ALG1: variants seen among roughly 807,000 people sequenced by gnomAD.
ALG1 encodes the protein chitobiosyldiphosphodolichol beta-mannosyltransferase.
ALG1 carries 58 observed loss-of-function variants against 55.1 expected under a neutral mutation model. The ratio of observed to expected loss-of-function variants is 1.05; its 90% CI spans 0.85 to 1.31. ALG1 has a LOEUF of 1.31. ALG1 is among the 50% of genes most tolerant of loss of function. ALG1 has a pLI of 0.00. For missense variants in ALG1, 761 were observed against 598.6 expected (o/e 1.27, Z -2.83); for synonymous variants, 309 against 247.0 (o/e 1.25, Z -2.35).
intron 4 of ALG1, 60 bp downstream of exon 4, chr16:5,075,596 A>G: frequency 6.2e-7 from 1 of 1,604,612 alleles, no homozygotes. Context: ...ATGAGTGAGA[A>G]GAAGGGCCAT....
In ALG1 at chr16:5,085,960, C is replaced by G. The variant is rs1164430893; in HGVS notation, c.*1079C>G. Among the ~76,000 whole-genome samples the G allele has an allele frequency of 6.6e-6, 1 of 152,196 alleles. No homozygotes were observed. Among genetic ancestry groups the G allele is most frequent in the East Asian group, 1.9e-4 (1 of 5,202 alleles). On this transcript the variant is annotated 3_prime_UTR_variant, in exon 13 of 13. Transcript: ENST00000262374. ...CTAGCAGCAGGCACCGTGCCGCTGT[C>G]CACTCTCTGCCTGTGTCTGCCCCAG...
intron 7 of ALG1, 43 bp downstream of exon 7, chr16:5,078,921 A>G: frequency 6.2e-7 from 1 of 1,605,474 alleles, no homozygotes; most frequent in Non-Finnish European, 8.5e-7. Flanking sequence ...TGTGACGGGC[A>G]CCTGGCCAAC....
intron 3 of ALG1, among the ~76,000 whole-genome samples, chr16:5,074,463 A>G (rs1956872793): frequency 1.3e-5 from 2 of 152,152 alleles, no homozygotes; most frequent in African/African-American, 4.8e-5. Flanking sequence ...TCCTCTTTTA[A>G]TAGGCAGCCT....
At position 5,079,745 on chromosome 16, in the gene ALG1, C is replaced by G. The variant is rs756306929; in HGVS notation, c.902-3C>G. On this transcript the variant is annotated splice_region_variant and splice_polypyrimidine_tract_variant and intron_variant, in intron 8 of 12. Transcript: ENST00000262374. Reference sequence around the variant, plus strand: ...GTAGAATTGTTTCTTTTTCTAAACACAGAGTTTGAACAACTGACTCTTGAT... The same window carrying G: ...GTAGAATTGTTTCTTTTTCTAAACAGAGAGTTTGAACAACTGACTCTTGAT... 7 of 1,611,310 alleles carry G rather than the reference C, an allele frequency of 4.3e-6. No homozygotes were observed. In the African/African-American group the frequency reaches 9.4e-5, roughly 22 times the overall value.
intron 1 of ALG1, 27 bp downstream of exon 1, chr16:5,072,084 C>G: frequency 6.8e-7 from 1 of 1,474,058 alleles, no homozygotes; most frequent in Non-Finnish European, 9.0e-7. Flanking sequence ...CTGGGAGGGA[C>G]GATGCTCTCT....
Position 5,078,011 on chromosome 16 carries a change from G to C in ALG1, c.734G>C (p.Arg245Thr). Residue 245 changes from arginine to threonine, a missense_variant, in exon 6 of 13, where the codon AGG becomes ACG. By Grantham distance (71) the Arg-to-Thr change is moderately conservative. Coordinates refer to ENST00000262374, the MANE Select transcript of ALG1 (RefSeq NM_019109.5). Reference protein sequence around the residue: ...MKLGSMHSPFRARSEPEDPVT... With the variant: ...MKLGSMHSPFTARSEPEDPVT... ...CTGGGCAGCATGCACTCTCCGTTCA[G>C]GGCCCGGTAGGCCTCCCATCCTCAG... is the stretch of plus-strand genomic sequence containing the variant. The C allele has an allele frequency of 1.9e-6, 3 of 1,598,532 alleles. No homozygotes were observed. Among genetic ancestry groups the C allele is most frequent in the Non-Finnish European group, 2.5e-6 (3 of 1,179,782 alleles).
chr16:5,078,079 C>G (rs899096390), intron 6 of ALG1, 62 bp downstream of exon 6: 71 of 1,561,342 alleles, frequency 4.5e-5, no homozygotes, highest in African/African-American at 3.8e-4. Flanking sequence ...CTCTCCCCTT[C>G]TCACTGCAGA....
At chr16:5,081,169 G>C in intron 10 of ALG1, 113 bp downstream of exon 10, 1 of 1,256,446 alleles carries the variant, frequency 8.0e-7, no homozygotes, top group East Asian at 2.6e-5. Flanking sequence ...CCTGGGCTCT[G>C]GCTGAACTCC....
intron 1 of ALG1, 54 bp from the exon 2 acceptor site, chr16:5,072,897 C>G: frequency 6.6e-7 from 1 of 1,515,206 alleles, no homozygotes; most frequent in Non-Finnish European, 9.2e-7. Flanking sequence ...GGGAGATTAT[C>G]TGACTTTAGA....
rs1485521061 is a variant in ALG1, at chr16:5,087,080, C to T, written c.*2199C>T. ...TGTGTAGAAATCTCTATAATCCTGC[C>T]ATCCAAGGATGGCACCTGTTAATGT... On this transcript the variant is annotated 3_prime_UTR_variant, in exon 13 of 13. Coordinates refer to ENST00000262374, the MANE Select transcript of ALG1 (RefSeq NM_019109.5). The T allele has an allele frequency of 3.3e-5, 5 of 152,076 alleles. No homozygotes were observed. The East Asian group carries it at 7.7e-4, about 23-fold the overall frequency. 9.4% of individuals were successfully genotyped at this position (152,076 alleles called of 1,614,324 possible).
rs889027199 is a variant in ALG1, at chr16:5,071,963, G to A, written c.114G>A (p.Val38=). ...GGGCGGCCCGGCATGTAGTAGCGGTGGTGCTGGGCGACGTGGGCCGCAGCC... is the reference window on the plus strand; with the variant it reads ...GGGCGGCCCGGCATGTAGTAGCGGTAGTGCTGGGCGACGTGGGCCGCAGCC... ...RGRAARHVVA[V]VLGDVGRSPR... Residue 38 remains valine (V), a synonymous_variant, in exon 1 of 13, where the codon GTG becomes GTA. Transcript: ENST00000262374. 2 of 1,589,776 alleles carry A rather than the reference G, an allele frequency of 1.3e-6. No homozygotes were observed. Among genetic ancestry groups the A allele is most frequent in the African/African-American group, 2.7e-5 (2 of 74,416 alleles).
chr16:5,084,713 G>A, intron 12 of ALG1, 37 bp from the exon 13 acceptor site: 1 of 1,596,146 alleles, frequency 6.3e-7, no homozygotes, highest in African/African-American at 1.3e-5. Context: ...GGTGGGGACA[G>A]GCAATGAGGT....
chr16:5,073,329 T>C (rs1441654633), intron 3 of ALG1, 73 bp downstream of exon 3: 2 of 1,321,098 alleles, frequency 1.5e-6, no homozygotes, highest in Non-Finnish European at 2.2e-6. Flanking sequence ...ATTGGTACTA[T>C]ATTGCATATT....
At chr16:5,078,501 A>G (rs568540668) in intron 6 of ALG1, 2 of 716,822 alleles carry the variant, frequency 2.8e-6, no homozygotes, top group Admixed American at 2.1e-5. Flanking sequence ...TCTTGAGTCC[A>G]GGGGATGATA....
chr16:5,072,034 C>G lies in ALG1; in HGVS notation c.185C>G (p.Ser62Trp), dbSNP rs1253708943. 5 of 1,591,660 alleles carry G rather than the reference C, an allele frequency of 3.1e-6. No individual in the cohort carries two copies. The highest frequency in any genetic ancestry group is 4.3e-6 in the Non-Finnish European group (5 of 1,168,820). The change falls in exon 1 of 13, where the codon TCG (serine) becomes TGG (tryptophan). Residue 62 changes from serine (S) to tryptophan (W), a missense_variant. Physicochemically the swap from Ser to Trp is radical, Grantham distance 177. Coordinates refer to ENST00000262374, the MANE Select transcript of ALG1 (RefSeq NM_019109.5). ...HALSLAMHGFSVTLLGFCNSK... is the reference protein window; with the variant it reads ...HALSLAMHGFWVTLLGFCNSK... The stretch of plus-strand genomic sequence containing the variant: ...CTGTCGTTGGCCATGCACGGCTTCT[C>G]GGTGACCCTCCTGGGGTTCTGCAGT...
Position 5,077,137 on chromosome 16 carries a change from C to T in ALG1, c.540-308C>T, listed in dbSNP as rs1956927862. ...GAGGATGTTCACTTTGGCAGTGATA[C>T]ACAGTGTCCTTCTATTTATTTTTTT... On this transcript the variant is annotated intron_variant, in intron 4 of 12. Coordinates refer to ENST00000262374, the MANE Select transcript of ALG1 (RefSeq NM_019109.5). Among the ~76,000 whole-genome samples the T allele has an allele frequency of 2.0e-5, 3 of 152,280 alleles. 1 individual carries two copies. In the South Asian group the frequency reaches 6.2e-4, roughly 32 times the overall value.
intron 1 of ALG1, chr16:5,072,428 G>A (rs942719540): frequency 1.5e-5 from 7 of 472,892 alleles, no homozygotes; most frequent in Admixed American, 7.5e-5. Context: ...TCAACGCAGA[G>A]CTCTGCAGAC....
Position 5,082,562 on chromosome 16 carries a change from C to G in ALG1, c.1076C>G (p.Ser359Trp). 1 of 1,611,956 alleles carries G rather than the reference C, an allele frequency of 6.2e-7. No homozygotes were observed. The change falls in exon 11 of 13, where the codon TCG (serine) becomes TGG (tryptophan). Residue 359 changes from serine (S) to tryptophan (W), a missense_variant. Coordinates refer to ENST00000262374, the MANE Select transcript of ALG1 (RefSeq NM_019109.5). ...EAEDYPLLLG[S>W]ADLGVCLHTS... is the part of the protein sequence containing the mutation. ...ACCCACCCCTCTTGCCTAGCAGGGT[C>G]GGCGGACCTGGGTGTCTGTCTGCAC...
In ALG1 at chr16:5,085,462, C is replaced by T. The variant is rs16843033; in HGVS notation, c.*581C>T. Reference sequence around the variant, plus strand: ...TGCTGGCAGAAAGGGGGCACCCACACGCTTAGATAGCCGATGTCTTATTAG... The same window carrying T: ...TGCTGGCAGAAAGGGGGCACCCACATGCTTAGATAGCCGATGTCTTATTAG... On this transcript the variant is annotated 3_prime_UTR_variant, in exon 13 of 13. Transcript: ENST00000262374. The T allele has an allele frequency of 9.6e-5, 62 of 649,214 alleles. No homozygotes were observed. The highest frequency in any genetic ancestry group is 1.1e-4 in the African/African-American group (6 of 55,624). 40.2% of individuals were successfully genotyped at this position (649,214 alleles called of 1,614,324 possible). A position where few individuals can be genotyped will look rare whatever the true frequency, so the allele number is the denominator to read the frequency against.
Sources: gnomAD v4.1 joint callset for allele counts (sites outside exome capture counted in the v4.1 genomes callset) on GRCh38, gnomAD v4.1.1 for gene constraint, MANE v1.5 for transcripts, NCBI Gene and HGNC (gene_info 2026-07-23, HGNC 2026-07-21) for gene names.